Variants in LDLRAD4 observed in about 807,000 individuals in gnomAD.
The protein encoded by LDLRAD4 is low density lipoprotein receptor class A domain containing 4.
LDLRAD4 carries 5 observed loss-of-function variants against 17.0 expected under a neutral mutation model. That is an observed-to-expected ratio of 0.29 (90% CI 0.15 to 0.62). The LOEUF is 0.62. Ranked by LOEUF, LDLRAD4 falls within the 20% of genes least tolerant of loss-of-function variation. LDLRAD4 has a pLI of 0.84. For synonymous variants in LDLRAD4, 168 were observed against 171.8 expected, an observed-to-expected ratio of 0.98 and a Z score of 0.17; for missense variants, 340 against 424.7, an observed-to-expected ratio of 0.80 and a Z score of 1.75.
At chr18:13,269,747 T>C (rs2044419616) in intron 1 of LDLRAD4, among the ~76,000 whole-genome samples, 1 of 152,200 alleles carries the variant, frequency 6.6e-6, no homozygotes, top group African/African-American at 2.4e-5. Flanking sequence ...TCATCTTGAA[T>C]GGTTCATAGG....
intron 3 of LDLRAD4, among the ~76,000 whole-genome samples, chr18:13,587,683 T>C (rs2094953814): frequency 1.3e-5 from 2 of 152,218 alleles, no homozygotes; most frequent in Non-Finnish European, 2.9e-5. Flanking sequence ...CATAGACTTA[T>C]GGGTCCTCTG....
At chr18:13,352,940 G>C (rs1480736494) in intron 1 of LDLRAD4, among the ~76,000 whole-genome samples, 2 of 152,044 alleles carry the variant, frequency 1.3e-5, no homozygotes, top group Non-Finnish European at 2.9e-5. Flanking sequence ...TAGAATTTCT[G>C]TTTGGTTCCA....
intron 3 of LDLRAD4, among the ~76,000 whole-genome samples, chr18:13,535,377 T>G (rs1568309919): frequency 6.6e-6 from 1 of 152,240 alleles, no homozygotes; most frequent in African/African-American, 2.4e-5. Flanking sequence ...GGTTGTGTAG[T>G]GCATCTTACT....
At chr18:13,431,783 C>G (rs1256277970) in intron 2 of LDLRAD4, among the ~76,000 whole-genome samples, 1 of 152,172 alleles carries the variant, frequency 6.6e-6, no homozygotes, top group Non-Finnish European at 1.5e-5. Flanking sequence ...ATTCATCTTT[C>G]TGAAGGACAA....
At chr18:13,410,576 G>A (rs181761499) in intron 2 of LDLRAD4, among the ~76,000 whole-genome samples, 1 of 152,324 alleles carries the variant, frequency 6.6e-6, no homozygotes, top group African/African-American at 2.4e-5. Flanking sequence ...GGCTTAATCT[G>A]CATTAATGGA....
chr18:13,620,007 C>T (rs2040463944), intron 3 of LDLRAD4, among the ~76,000 whole-genome samples: 1 of 151,916 alleles, frequency 6.6e-6, no homozygotes, highest in Admixed American at 6.5e-5. Context: ...AAGTGGAGGG[C>T]CGTGCTGAAG....
intron 2 of LDLRAD4, among the ~76,000 whole-genome samples, chr18:13,414,641 G>T (rs1327447142): frequency 6.6e-6 from 1 of 152,214 alleles, no homozygotes; most frequent in African/African-American, 2.4e-5. Context: ...AAACCAAAAG[G>T]ACTCATTATC....
At chr18:13,233,139 C>CTTT (rs2042164990) in intron 1 of LDLRAD4, among the ~76,000 whole-genome samples, 1 of 152,258 alleles carries the variant, frequency 6.6e-6, no homozygotes, top group African/African-American at 2.4e-5. Context: ...CACCTCTTTG[C>CTTT]AGGCGCCTGT....
intron 1 of LDLRAD4, among the ~76,000 whole-genome samples, chr18:13,287,635 C>T (rs919665329): frequency 2.0e-5 from 3 of 152,136 alleles, no homozygotes; most frequent in Non-Finnish European, 2.9e-5. Context: ...TGGGGTGGGG[C>T]GGGAGGTGCC....
chr18:13,261,765 C>G (rs1400080754), intron 1 of LDLRAD4, among the ~76,000 whole-genome samples: 1 of 152,214 alleles, frequency 6.6e-6, no homozygotes, highest in African/African-American at 2.4e-5. Flanking sequence ...TATGGCTTAC[C>G]CGGCTGCAGG....
At chr18:13,296,906 T>G (rs971354923) in intron 1 of LDLRAD4, among the ~76,000 whole-genome samples, 1 of 152,188 alleles carries the variant, frequency 6.6e-6, no homozygotes, top group African/African-American at 2.4e-5. Context: ...GAGGGCAGGC[T>G]GACCAGGGTG....
At chr18:13,579,229 A>G (rs2094822719) in intron 3 of LDLRAD4, among the ~76,000 whole-genome samples, 1 of 152,222 alleles carries the variant, frequency 6.6e-6, no homozygotes, top group Non-Finnish European at 1.5e-5. Context: ...TATTTGTTTA[A>G]AATGATAGTG....
At chr18:13,576,893 G>A (rs995839403) in intron 3 of LDLRAD4, among the ~76,000 whole-genome samples, 6 of 152,264 alleles carry the variant, frequency 3.9e-5, no homozygotes, top group Admixed American at 2.6e-4. Context: ...CAGCTGAGCA[G>A]ACGGGAGGAC....
At chr18:13,598,290 T>C (rs1204408442) in intron 3 of LDLRAD4, among the ~76,000 whole-genome samples, 1 of 152,260 alleles carries the variant, frequency 6.6e-6, no homozygotes, top group Admixed American at 6.5e-5. Flanking sequence ...GCCTTGGATA[T>C]GGCACAGTCA....
chr18:13,297,561 G>A (rs1392803363), intron 1 of LDLRAD4, among the ~76,000 whole-genome samples: 1 of 152,226 alleles, frequency 6.6e-6, no homozygotes, highest in Non-Finnish European at 1.5e-5. Context: ...TTGGGGGGCT[G>A]AGGTGGGAGG....
intron 1 of LDLRAD4, among the ~76,000 whole-genome samples, chr18:13,233,097 G>A (rs2145544557): frequency 6.6e-6 from 1 of 152,378 alleles, no homozygotes; most frequent in South Asian, 2.1e-4. Flanking sequence ...CACACACAGT[G>A]CGTTAGGGAT....
intron 1 of LDLRAD4, among the ~76,000 whole-genome samples, chr18:13,230,839 T>A (rs2042035360): frequency 6.6e-6 from 1 of 152,216 alleles, no homozygotes; most frequent in Non-Finnish European, 1.5e-5. Flanking sequence ...GGCTCCTCTT[T>A]CTGGTCCATG....
chr18:13,511,219 G>A (rs921921435), intron 3 of LDLRAD4, among the ~76,000 whole-genome samples: 1 of 152,136 alleles, frequency 6.6e-6, no homozygotes, highest in African/African-American at 2.4e-5. Flanking sequence ...TCTGAAAAGG[G>A]AAGGCAAAAT....
rs1379921212 is a variant in LDLRAD4, at chr18:13,621,919, T to C, written c.336+648T>C. Among the ~76,000 whole-genome samples, 3 of 152,060 alleles carry C rather than the reference T, an allele frequency of 2.0e-5. No individual in the cohort carries two copies. Among genetic ancestry groups the C allele is most frequent in the African/African-American group, 7.2e-5 (3 of 41,396 alleles). On this transcript the variant is annotated intron_variant, in intron 4 of 5. Coordinates refer to ENST00000359446, the Ensembl canonical transcript of LDLRAD4. The surrounding 1 kb of genome is among the most constrained non-coding windows in gnomAD (Gnocchi z 5.5). ...ACCCTCAAGCCAAACTGCACTATGA[T>C]CAAACTTGAGAGACCAGGGGCTGCT... is the stretch of plus-strand genomic sequence containing the variant.
Sources: gnomAD v4.1 joint callset for allele counts (sites outside exome capture counted in the v4.1 genomes callset) on GRCh38, gnomAD v4.1.1 for gene constraint, Gnocchi (gnomAD v3.1) non-coding constraint, MANE v1.5 for transcripts, NCBI Gene and HGNC (gene_info 2026-07-23, HGNC 2026-07-21) for gene names.